FBXL5: variants seen among roughly 807,000 people sequenced by gnomAD.
The protein encoded by FBXL5 is F-box and leucine rich repeat protein 5, also known as F-box/LRR-repeat protein 5.
FBXL5 carries 26 observed loss-of-function variants against 78.3 expected under a neutral mutation model. The ratio of observed to expected loss-of-function variants is 0.33; its 90% CI spans 0.24 to 0.46. The LOEUF (loss-of-function observed/expected upper bound fraction) is 0.46, where lower values mean the gene tolerates loss of function less well. Among genes scored for constraint, FBXL5 ranks in the 20% least tolerant of loss-of-function variants. The pLI is 1.00. For missense variants in FBXL5, 710 were observed against 829.2 expected (o/e 0.86, Z 1.77); for synonymous variants, 295 against 282.5 (o/e 1.04, Z -0.45).
At chr4:15,644,048 G>A (rs186649708) in intron 2 of FBXL5, among the ~76,000 whole-genome samples, 154 of 152,258 alleles carry the variant, frequency 1.0e-3, no homozygotes, top group African/African-American at 3.4e-3. Context: ...TCCAGTTTCA[G>A]CAAAAATCCT....
intron 5 of FBXL5, 42 bp downstream of exon 5, chr4:15,636,452 T>C: frequency 1.4e-6 from 2 of 1,417,642 alleles, no homozygotes; most frequent in Non-Finnish European, 9.4e-7. Flanking sequence ...AATATTCATC[T>C]AGAAAAATAC....
At chr4:15,617,063 A>C (rs10003739) in intron 9 of FBXL5, among the ~76,000 whole-genome samples, 43,456 of 152,104 alleles carry the variant, frequency 0.29, 6,546 homozygotes, top group East Asian at 0.47. Context: ...ACAGTATAGC[A>C]ATTTCTCAAA....
intron 1 of FBXL5, among the ~76,000 whole-genome samples, chr4:15,648,678 C>T (rs1715619857): frequency 6.6e-6 from 1 of 151,970 alleles, no homozygotes; most frequent in Admixed American, 6.6e-5. Flanking sequence ...CTCACAGAAG[C>T]AGAGAATATG....
At chr4:15,678,926 T>C (rs1219219569) in intron 1 of FBXL5, among the ~76,000 whole-genome samples, 1 of 152,182 alleles carries the variant, frequency 6.6e-6, no homozygotes, top group Non-Finnish European at 1.5e-5. Context: ...AATGAACAAA[T>C]GCCTCTTAAA....
At chr4:15,653,273 G>C (rs544528806) in intron 1 of FBXL5, among the ~76,000 whole-genome samples, 1 of 152,096 alleles carries the variant, frequency 6.6e-6, no homozygotes, top group South Asian at 2.1e-4. Context: ...AACTAGTTAT[G>C]CAAGTGGGAA....
At chr4:15,637,676 C>T (rs1458137992) in intron 4 of FBXL5, among the ~76,000 whole-genome samples, 1 of 152,130 alleles carries the variant, frequency 6.6e-6, no homozygotes, top group Non-Finnish European at 1.5e-5. Flanking sequence ...ATCTAAAGCA[C>T]AAGCTACATT....
chr4:15,623,765 A>G (rs1201882535), intron 9 of FBXL5, among the ~76,000 whole-genome samples: 1 of 152,176 alleles, frequency 6.6e-6, no homozygotes, highest in African/African-American at 2.4e-5. Context: ...CAGTTATACC[A>G]GTTACCTCGG....
intron 5 of FBXL5, among the ~76,000 whole-genome samples, chr4:15,631,528 C>T (rs910153724): frequency 7.2e-5 from 11 of 152,194 alleles, no homozygotes; most frequent in African/African-American, 2.7e-4. Context: ...ATTTACACTC[C>T]CACCAACAGT....
intron 1 of FBXL5, among the ~76,000 whole-genome samples, chr4:15,647,309 C>T (rs2148684961): frequency 7.0e-6 from 1 of 143,002 alleles, no homozygotes; most frequent in East Asian, 2.1e-4. Context: ...CAACTACATA[C>T]ATAGCATTTT....
intron 9 of FBXL5, among the ~76,000 whole-genome samples, chr4:15,622,656 G>A (rs1712604134): frequency 6.6e-6 from 1 of 150,604 alleles, no homozygotes; most frequent in Admixed American, 6.6e-5. Flanking sequence ...GCAGAGAATT[G>A]TCTTAGTTAC....
chr4:15,654,657 G>A (rs995748028), intron 1 of FBXL5, among the ~76,000 whole-genome samples: 3 of 152,192 alleles, frequency 2.0e-5, no homozygotes, highest in Non-Finnish European at 4.4e-5. Flanking sequence ...GAAAGCCGGG[G>A]GTAAAAGGAA....
intron 1 of FBXL5, among the ~76,000 whole-genome samples, chr4:15,676,524 C>G (rs1211956176): frequency 6.6e-6 from 1 of 152,132 alleles, no homozygotes; most frequent in African/African-American, 2.4e-5. Context: ...CATAGTTTAG[C>G]TTCTAATTCA....
At chr4:15,620,101 A>G (rs1712329686) in intron 9 of FBXL5, among the ~76,000 whole-genome samples, 1 of 152,114 alleles carries the variant, frequency 6.6e-6, no homozygotes, top group Non-Finnish European at 1.5e-5. Flanking sequence ...CAGAAAGATA[A>G]AGAGTCGACA....
At chr4:15,636,429 A>T in intron 5 of FBXL5, 65 bp downstream of exon 5, 2 of 1,292,838 alleles carry the variant, frequency 1.5e-6, no homozygotes, top group Non-Finnish European at 1.0e-6. Context: ...GGCCTTGCTC[A>T]TTAATGTAAA....
At chr4:15,630,393 T>A (rs577554202) in intron 6 of FBXL5, among the ~76,000 whole-genome samples, 1 of 152,294 alleles carries the variant, frequency 6.6e-6, no homozygotes, top group Non-Finnish European at 1.5e-5. Flanking sequence ...AGCACTATAA[T>A]AAACGTACAT....
chr4:15,616,218 C>T (rs1269827937), intron 9 of FBXL5, among the ~76,000 whole-genome samples: 4 of 152,194 alleles, frequency 2.6e-5, no homozygotes, highest in South Asian at 2.1e-4. Context: ...TAACACTCAC[C>T]GCGAGGGTCC....
rs773011513 is a variant in FBXL5, at chr4:15,625,559, A to T, written c.1543T>A (p.Cys515Ser). 22 of 1,614,108 alleles carry T rather than the reference A, an allele frequency of 1.4e-5. No individual in the cohort carries two copies. The highest frequency in any genetic ancestry group is 1.6e-5 in the Non-Finnish European group (19 of 1,180,040). Residue 515 changes from cysteine to serine, a missense_variant, in exon 9 of 11, where the codon TGT becomes AGT. Around this residue, in one of 4 missense-constraint regions of FBXL5, gnomAD observed 517 missense variants for 542.9 expected, o/e 0.95. Coordinates refer to ENST00000341285, the MANE Select transcript of FBXL5 (RefSeq NM_012161.4). ...TTACTAAAACAACCAGAGGTGGAAC[A>T]ACTAAAGTTGGATGCTGTTTCCATT... ...CVMETASNFS[C>S]STSGCFSKDI...
intron 3 of FBXL5, among the ~76,000 whole-genome samples, chr4:15,638,905 C>T (rs1232724141): frequency 6.6e-6 from 1 of 152,168 alleles, no homozygotes; most frequent in East Asian, 1.9e-4. Context: ...TGGCTAACAC[C>T]TGTAATCCCA....
intron 1 of FBXL5, among the ~76,000 whole-genome samples, chr4:15,674,994 CATT>C (rs1717931333): frequency 6.6e-6 from 1 of 152,062 alleles, no homozygotes; most frequent in African/African-American, 2.4e-5. Context: ...TACCTACAAT[CATT>C]GTTTGCACAA....
Sources: allele counts gnomAD v4.1 joint callset (sites outside exome capture counted in the v4.1 genomes callset), GRCh38; gene constraint gnomAD v4.1.1; regional missense constraint gnomAD v4.1.1; transcripts MANE v1.5; gene names NCBI Gene and HGNC (gene_info 2026-07-23, HGNC 2026-07-21).